Variants in KIAA0825 observed in about 807,000 individuals in gnomAD.
The protein encoded by KIAA0825 is KIAA0825.
A neutral mutation model predicts 147.6 loss-of-function variants in KIAA0825; 119 were observed. The ratio of observed to expected loss-of-function variants is 0.81; its 90% CI spans 0.69 to 0.94. The LOEUF (loss-of-function observed/expected upper bound fraction) is 0.94. Among genes scored for constraint, KIAA0825 ranks in the 40% least tolerant of loss-of-function variants. The pLI is 0.00. For missense variants in KIAA0825, 1,381 were observed against 1,472.7 expected, an observed-to-expected ratio of 0.94 and a Z score of 1.02; for synonymous variants, 470 against 518.1, an observed-to-expected ratio of 0.91 and a Z score of 1.26.
chr5:94,598,782 G>T (rs1214793136), intron 1 of KIAA0825, among the ~76,000 whole-genome samples: 1 of 151,994 alleles, frequency 6.6e-6, no homozygotes, highest in African/African-American at 2.4e-5. Context: ...TAATCATATG[G>T]GACCACTATC....
At chr5:94,206,218 A>T (rs951471135) in intron 20 of KIAA0825, among the ~76,000 whole-genome samples, 2 of 152,008 alleles carry the variant, frequency 1.3e-5, no homozygotes, top group Non-Finnish European at 2.9e-5. Flanking sequence ...TATGTCTGTT[A>T]TGATTTCCAG....
At chr5:94,207,084 A>G (rs560483210) in intron 20 of KIAA0825, among the ~76,000 whole-genome samples, 1 of 152,138 alleles carries the variant, frequency 6.6e-6, no homozygotes, top group African/African-American at 2.4e-5. Flanking sequence ...TGAGCCAGCA[A>G]TGTTCTTTTC....
chr5:94,472,540 T>G (rs144673345), intron 8 of KIAA0825, among the ~76,000 whole-genome samples: 2 of 152,184 alleles, frequency 1.3e-5, no homozygotes, highest in South Asian at 2.1e-4. Context: ...GGTCGGAGAT[T>G]GAGACCATCC....
At chr5:94,428,575 G>A (rs774610896) in intron 14 of KIAA0825, among the ~76,000 whole-genome samples, 38 of 152,128 alleles carry the variant, frequency 2.5e-4, no homozygotes, top group Non-Finnish European at 3.8e-4. Context: ...AAATAGGACC[G>A]CAATCTCTAC....
At chr5:94,237,635 T>C (rs1391525281) in intron 20 of KIAA0825, among the ~76,000 whole-genome samples, 2 of 152,188 alleles carry the variant, frequency 1.3e-5, no homozygotes, top group African/African-American at 4.8e-5. Flanking sequence ...ATACATTTTT[T>C]ACCACAGGCT....
At chr5:94,579,435 G>A (rs1181343234) in intron 2 of KIAA0825, among the ~76,000 whole-genome samples, 3 of 152,168 alleles carry the variant, frequency 2.0e-5, no homozygotes, top group African/African-American at 7.2e-5. Flanking sequence ...AATATTAAAA[G>A]CATATATTGT....
chr5:94,592,543 A>G (rs1784533253), intron 1 of KIAA0825, among the ~76,000 whole-genome samples: 1 of 152,148 alleles, frequency 6.6e-6, no homozygotes, highest in Admixed American at 6.5e-5. Context: ...CCATGTTGGG[A>G]CCAGGAATAA....
At chr5:94,172,121 A>T (rs1225452200) in intron 20 of KIAA0825, among the ~76,000 whole-genome samples, 1 of 152,174 alleles carries the variant, frequency 6.6e-6, no homozygotes, top group Non-Finnish European at 1.5e-5. Context: ...CAATTATAGA[A>T]TTAAAGTAAA....
At chr5:94,319,079 G>T (rs1303428839) in intron 20 of KIAA0825, among the ~76,000 whole-genome samples, 1 of 151,890 alleles carries the variant, frequency 6.6e-6, no homozygotes, top group East Asian at 1.9e-4. Flanking sequence ...GTCCAAGTGT[G>T]GTGACTGACA....
chr5:94,235,956 G>C (rs574243498), intron 20 of KIAA0825, among the ~76,000 whole-genome samples: 78 of 152,284 alleles, frequency 5.1e-4, no homozygotes, highest in South Asian at 2.7e-3. Context: ...CAAACTTACT[G>C]CTCCTTGAAA....
chr5:94,479,073 G>A (rs1338154254), intron 6 of KIAA0825, among the ~76,000 whole-genome samples: 1 of 151,950 alleles, frequency 6.6e-6, no homozygotes, highest in Non-Finnish European at 1.5e-5. Context: ...TGTTACAGCT[G>A]GTAAACAAAT....
chr5:94,289,513 C>T (rs1777795178), intron 20 of KIAA0825, among the ~76,000 whole-genome samples: 1 of 134,556 alleles, frequency 7.4e-6, no homozygotes, highest in South Asian at 2.3e-4. Flanking sequence ...TCAGCCTGGG[C>T]AACAGAGCAA....
intron 2 of KIAA0825, among the ~76,000 whole-genome samples, chr5:94,543,272 G>A (rs560157543): frequency 6.6e-6 from 1 of 152,080 alleles, no homozygotes; most frequent in Admixed American, 6.6e-5. Context: ...GGCAAAACCT[G>A]GTATCTACTA....
chr5:94,378,475 T>C (rs1011391050), intron 20 of KIAA0825, among the ~76,000 whole-genome samples: 1 of 152,254 alleles, frequency 6.6e-6, no homozygotes, highest in Non-Finnish European at 1.5e-5. Flanking sequence ...GTAGTGTATA[T>C]ATGTCACATT....
intron 2 of KIAA0825, among the ~76,000 whole-genome samples, chr5:94,538,982 G>A (rs1262060762): frequency 3.3e-5 from 5 of 152,204 alleles, no homozygotes; most frequent in African/African-American, 7.2e-5. Flanking sequence ...ATAAGGCTGA[G>A]ACCTACTGGA....
intron 20 of KIAA0825, among the ~76,000 whole-genome samples, chr5:94,311,160 G>A (rs1010284719): frequency 1.5e-4 from 22 of 151,376 alleles, no homozygotes; most frequent in African/African-American, 5.1e-4. Context: ...TAAAGATAAG[G>A]AGAAAGGGAA....
chr5:94,160,885 T>C (rs541047827), intron 20 of KIAA0825, among the ~76,000 whole-genome samples: 1 of 152,222 alleles, frequency 6.6e-6, no homozygotes, highest in African/African-American at 2.4e-5. Flanking sequence ...GAGGTTCAAA[T>C]CAGAGGGGAA....
At chr5:94,456,431 T>C (rs974521786) in intron 12 of KIAA0825, among the ~76,000 whole-genome samples, 1 of 152,120 alleles carries the variant, frequency 6.6e-6, no homozygotes, top group Non-Finnish European at 1.5e-5. Context: ...CTAATTTTGG[T>C]TTGTTTTTAT....
At chr5:94,249,799 G>GT (rs3080905) in intron 20 of KIAA0825, among the ~76,000 whole-genome samples, 3,168 of 132,680 alleles carry the variant, frequency 0.024, 45 homozygotes, top group South Asian at 0.043. Flanking sequence ...TGCTCTGCTG[G>GT]TTTTTTTTTT....
Sources: allele counts gnomAD v4.1 joint callset (sites outside exome capture counted in the v4.1 genomes callset), GRCh38; gene constraint gnomAD v4.1.1; transcripts MANE v1.5; gene names NCBI Gene and HGNC (gene_info 2026-07-23, HGNC 2026-07-21).